Variants in CNNM2 observed in about 807,000 individuals in gnomAD.
CNNM2 encodes metal transporter CNNM2.
A neutral mutation model predicts 66.9 loss-of-function variants in CNNM2; 12 were observed. The ratio of observed to expected loss-of-function variants is 0.18; its 90% confidence interval spans 0.11 to 0.29. The LOEUF is 0.29. Ranked by LOEUF, CNNM2 falls within the 10% of genes least tolerant of loss-of-function variation. The probability of loss-of-function intolerance (pLI) is 1.00; values close to 1 mark genes in which losing one functional copy is unlikely to be tolerated. For missense variants in CNNM2, 705 were observed against 1,167.7 expected, an observed-to-expected ratio of 0.60 and a Z score of 5.77; for synonymous variants, 557 against 501.8, an observed-to-expected ratio of 1.11 and a Z score of -1.47.
intron 1 of CNNM2, among the ~76,000 whole-genome samples, chr10:103,047,520 A>G (rs767281455): frequency 2.0e-5 from 3 of 152,234 alleles, no homozygotes; most frequent in Non-Finnish European, 4.4e-5. Context: ...GTAATGTACC[A>G]ATGCCAATTT....
rs558164518 is a variant in CNNM2, at chr10:102,942,075, C to G, written c.1621+21974C>G. 1.1e-4 allele frequency among the ~76,000 whole-genome samples: 16 copies of G among 152,270 alleles called. No homozygotes were observed. In the South Asian group the frequency reaches 3.1e-3, roughly 30 times the overall value. ...TTGTATATCTTTTCACCTAGTAGCT[C>G]CACTTCCAGAATGTGATCTTAGGAA... On this transcript the variant is annotated intron_variant, in intron 1 of 7. Transcript: ENST00000369878.
chr10:102,958,480 T>G (rs1264790468), intron 1 of CNNM2, among the ~76,000 whole-genome samples: 1 of 131,402 alleles, frequency 7.6e-6, no homozygotes, highest in Admixed American at 7.6e-5. Flanking sequence ...TTTTTTTTTT[T>G]TTTTTTTTTG....
At chr10:103,019,339 A>G (rs1379518068) in intron 1 of CNNM2, among the ~76,000 whole-genome samples, 1 of 152,096 alleles carries the variant, frequency 6.6e-6, no homozygotes, top group Non-Finnish European at 1.5e-5. Flanking sequence ...ATTTAGCAAA[A>G]TGAGAGGTCA....
At chr10:102,958,721 T>C (rs1037148371) in intron 1 of CNNM2, among the ~76,000 whole-genome samples, 2 of 152,018 alleles carry the variant, frequency 1.3e-5, no homozygotes, top group Non-Finnish European at 2.9e-5. Flanking sequence ...CTACATGCCT[T>C]GGCCTCCCAA....
chr10:102,952,711 G>C (rs1013040970), intron 1 of CNNM2, among the ~76,000 whole-genome samples: 2 of 151,936 alleles, frequency 1.3e-5, no homozygotes, highest in South Asian at 2.1e-4. Context: ...ATTGGAGCTT[G>C]TTTTCCTGAG....
chr10:103,037,322 A>G (rs1408925636), intron 1 of CNNM2, among the ~76,000 whole-genome samples: 2 of 151,048 alleles, frequency 1.3e-5, no homozygotes, highest in East Asian at 1.9e-4. Flanking sequence ...GGGCCTCACT[A>G]TGTTACCTAG....
At chr10:102,982,284 T>A (rs142512773) in intron 1 of CNNM2, among the ~76,000 whole-genome samples, 4 of 152,320 alleles carry the variant, frequency 2.6e-5, no homozygotes, top group African/African-American at 7.2e-5. Context: ...TTCATATTGG[T>A]CTGTCTCTCT....
intron 1 of CNNM2, among the ~76,000 whole-genome samples, chr10:102,949,640 C>T (rs899647914): frequency 1.3e-4 from 20 of 152,080 alleles, no homozygotes; most frequent in African/African-American, 4.1e-4. Flanking sequence ...ACTAAAAATA[C>T]GCGCGTGGTG....
chr10:102,935,696 G>A (rs1419021240), intron 1 of CNNM2, among the ~76,000 whole-genome samples: 2 of 142,920 alleles, frequency 1.4e-5, no homozygotes, highest in African/African-American at 2.6e-5. Flanking sequence ...AGCCCTGGTT[G>A]ACTAGCAGCG....
chr10:102,943,236 C>CA (rs979806933), intron 1 of CNNM2, among the ~76,000 whole-genome samples: 3 of 151,448 alleles, frequency 2.0e-5, no homozygotes, highest in African/African-American at 7.3e-5. Flanking sequence ...AAAAAACAAA[C>CA]AAAAACCAAA....
intron 6 of CNNM2, among the ~76,000 whole-genome samples, chr10:103,073,533 A>G (rs1259172110): frequency 1.3e-5 from 2 of 152,196 alleles, no homozygotes; most frequent in Non-Finnish European, 2.9e-5. Context: ...GGGTGGGCGC[A>G]TGGTGGCAAG....
intron 4 of CNNM2, among the ~76,000 whole-genome samples, chr10:103,062,119 G>C (rs538667735): frequency 6.6e-6 from 1 of 152,300 alleles, no homozygotes; most frequent in Admixed American, 6.5e-5. Flanking sequence ...TTCACGTCTA[G>C]CTAATCAAAG....
intron 1 of CNNM2, among the ~76,000 whole-genome samples, chr10:103,003,420 C>G (rs888683684): frequency 2.0e-5 from 3 of 152,162 alleles, no homozygotes; most frequent in African/African-American, 7.2e-5. Context: ...AGCCCTCCTT[C>G]TAGTACTTTT....
At chr10:102,958,851 T>A (rs1417038866) in intron 1 of CNNM2, among the ~76,000 whole-genome samples, 1 of 152,132 alleles carries the variant, frequency 6.6e-6, no homozygotes, top group African/African-American at 2.4e-5. Context: ...AAAACCCTCT[T>A]TTAAATGATG....
intron 2 of CNNM2, among the ~76,000 whole-genome samples, chr10:103,052,974 A>C (rs1485636312): frequency 6.6e-6 from 1 of 152,216 alleles, no homozygotes; most frequent in Non-Finnish European, 1.5e-5. Flanking sequence ...AAGCCTAGTA[A>C]TCAATCTGTT....
chr10:102,961,486 C>T (rs897242737), intron 1 of CNNM2, among the ~76,000 whole-genome samples: 2 of 152,136 alleles, frequency 1.3e-5, no homozygotes, highest in Non-Finnish European at 2.9e-5. Flanking sequence ...AAGCACATGT[C>T]TTATAGAAAT....
chr10:102,969,287 C>T (rs950007846), intron 1 of CNNM2, among the ~76,000 whole-genome samples: 1 of 152,020 alleles, frequency 6.6e-6, no homozygotes, highest in East Asian at 1.9e-4. Context: ...AATCTCAACT[C>T]ACTGAAATCT....
chr10:103,012,869 A>G (rs957014900), intron 1 of CNNM2, among the ~76,000 whole-genome samples: 2 of 152,104 alleles, frequency 1.3e-5, no homozygotes, highest in African/African-American at 4.8e-5. Flanking sequence ...AGTGCTATCA[A>G]ATCTTTGGAG....
At chr10:102,941,308 A>C (rs528185849) in intron 1 of CNNM2, among the ~76,000 whole-genome samples, 112 of 151,942 alleles carry the variant, frequency 7.4e-4, no homozygotes, top group Non-Finnish European at 1.2e-3. Context: ...GGGTCTCGCT[A>C]TGTTGCCCAG....
Sources: allele counts gnomAD v4.1 joint callset (sites outside exome capture counted in the v4.1 genomes callset), GRCh38; gene constraint gnomAD v4.1.1; transcripts MANE v1.5; gene names NCBI Gene and HGNC (gene_info 2026-07-23, HGNC 2026-07-21).